Variants in GALNT13 observed in about 807,000 individuals in gnomAD.
GALNT13 encodes UDP-GalNAc:polypeptide N-acetylgalactosaminyltransferase 13.
In GALNT13, 28 loss-of-function variants were observed where a neutral mutation model predicts 64.2. The ratio of observed to expected loss-of-function variants is 0.44; its 90% CI spans 0.32 to 0.60. The LOEUF (loss-of-function observed/expected upper bound fraction) is 0.60. Ranked by LOEUF, GALNT13 falls within the 20% of genes least tolerant of loss-of-function variation. GALNT13 has a pLI of 0.05. For missense variants in GALNT13, 577 were observed against 669.8 expected, an observed-to-expected ratio of 0.86 and a Z score of 1.53; for synonymous variants, 214 against 224.6, an observed-to-expected ratio of 0.95 and a Z score of 0.42.
intron 3 of GALNT13, among the ~76,000 whole-genome samples, chr2:153,948,418 G>T (rs151256773): frequency 4.5e-3 from 690 of 152,184 alleles, no homozygotes; most frequent in Admixed American, 8.8e-3. Flanking sequence ...GTGTAAATTA[G>T]TTCAACTATT....
intron 8 of GALNT13, among the ~76,000 whole-genome samples, chr2:154,300,308 G>T (rs1022234433): frequency 6.6e-6 from 1 of 151,382 alleles, no homozygotes. Context: ...TTGCCATGTT[G>T]GTCAGGCTGG....
chr2:154,356,401 A>G (rs1390864054), intron 9 of GALNT13, among the ~76,000 whole-genome samples: 2 of 151,984 alleles, frequency 1.3e-5, no homozygotes, highest in East Asian at 1.9e-4. Context: ...ATCTAGACAC[A>G]TGGAAAAAAG....
At chr2:153,981,652 A>G (rs759823063) in intron 3 of GALNT13, among the ~76,000 whole-genome samples, 4 of 152,054 alleles carry the variant, frequency 2.6e-5, no homozygotes, top group Non-Finnish European at 5.9e-5. Context: ...AGTCTTTGCT[A>G]TTGTGAATAG....
chr2:154,019,123 C>T (rs185251918), intron 3 of GALNT13, among the ~76,000 whole-genome samples: 2 of 152,206 alleles, frequency 1.3e-5, no homozygotes, highest in East Asian at 3.9e-4. Flanking sequence ...ATCTTGACTT[C>T]ACTCTCTGCT....
the GALNT13 span, among the ~76,000 whole-genome samples, chr2:153,820,991 T>C: frequency 6.8e-6 from 1 of 146,656 alleles, no homozygotes; most frequent in African/African-American, 2.5e-5. Flanking sequence ...ATGACACCCA[T>C]AGGATCAAAG....
At chr2:153,325,187 C>G in the GALNT13 span, among the ~76,000 whole-genome samples, 1 of 109,248 alleles carries the variant, frequency 9.2e-6, no homozygotes, top group Non-Finnish European at 1.7e-5. Context: ...CTTGTTATTG[C>G]TCTATTAAGG....
intron 8 of GALNT13, among the ~76,000 whole-genome samples, chr2:154,298,391 TTATATAAATATATAATTTA>T (rs1009792027): frequency 8.2e-6 from 1 of 121,842 alleles, no homozygotes; most frequent in Non-Finnish European, 1.8e-5. Context: ...TAAATATAAT[TTATATAAATATATAATTTA>T]TATATAAATA....
At chr2:154,366,845 CAAAT>C (rs1447003905) in intron 9 of GALNT13, among the ~76,000 whole-genome samples, 2 of 152,078 alleles carry the variant, frequency 1.3e-5, no homozygotes, top group Non-Finnish European at 2.9e-5. Flanking sequence ...CAGGTGATCT[CAAAT>C]AAGTCAATTC....
At chr2:153,903,249 TA>T (rs947826164) in intron 2 of GALNT13, among the ~76,000 whole-genome samples, 6 of 151,222 alleles carry the variant, frequency 4.0e-5, no homozygotes, top group African/African-American at 9.7e-5. Flanking sequence ...GATAGAGTGG[TA>T]AAAAAAAAGA....
At chr2:153,424,955 A>G in the GALNT13 span, among the ~76,000 whole-genome samples, 1,758 of 151,992 alleles carry the variant, frequency 0.012, 29 homozygotes, top group African/African-American at 0.041. Flanking sequence ...ATGTCTACCT[A>G]CATCACCAGG....
chr2:153,971,729 G>A (rs1436036219), intron 3 of GALNT13, among the ~76,000 whole-genome samples: 1 of 152,002 alleles, frequency 6.6e-6, no homozygotes, highest in Non-Finnish European at 1.5e-5. Context: ...TGATAAAAAT[G>A]CATGCATTCT....
At chr2:154,085,393 G>T (rs1701473422) in intron 3 of GALNT13, among the ~76,000 whole-genome samples, 1 of 151,884 alleles carries the variant, frequency 6.6e-6, no homozygotes, top group South Asian at 2.1e-4. Context: ...TTCAGGTGCA[G>T]CTTACCTTCA....
chr2:153,391,526 T>C, the GALNT13 span, among the ~76,000 whole-genome samples: 1 of 152,128 alleles, frequency 6.6e-6, no homozygotes. Flanking sequence ...AATAGGTCTT[T>C]TGTTAAAAAA....
the GALNT13 span, among the ~76,000 whole-genome samples, chr2:153,475,134 A>G: frequency 2.0e-5 from 3 of 152,212 alleles, no homozygotes. Context: ...CTCTGTGGCC[A>G]TCGGGGAATA....
intron 2 of GALNT13, among the ~76,000 whole-genome samples, chr2:153,920,228 A>G (rs1372809522): frequency 1.3e-5 from 2 of 151,916 alleles, no homozygotes; most frequent in Non-Finnish European, 2.9e-5. Flanking sequence ...ATAACTTAGA[A>G]TATGCATTCA....
intron 7 of GALNT13, among the ~76,000 whole-genome samples, chr2:154,256,167 C>A (rs189554226): frequency 2.6e-5 from 4 of 152,084 alleles, no homozygotes; most frequent in Admixed American, 2.0e-4. Flanking sequence ...GTCCTATAAC[C>A]AGTTAACCAC....
At chr2:154,020,018 A>G (rs1255867709) in intron 3 of GALNT13, among the ~76,000 whole-genome samples, 1 of 152,162 alleles carries the variant, frequency 6.6e-6, no homozygotes, top group Non-Finnish European at 1.5e-5. Flanking sequence ...ATGTCTCTAC[A>G]AAGGACATGA....
the GALNT13 span, among the ~76,000 whole-genome samples, chr2:153,471,763 T>C: frequency 6.6e-6 from 1 of 152,178 alleles, no homozygotes; most frequent in Non-Finnish European, 1.5e-5. Context: ...TAGATTAAGA[T>C]TAAAGCATAT....
At chr2:153,724,328 G>T in the GALNT13 span, among the ~76,000 whole-genome samples, 4 of 131,712 alleles carry the variant, frequency 3.0e-5, no homozygotes, top group Admixed American at 2.2e-4. Context: ...AGACTTAAAC[G>T]TTAGACCTAA....
Sources: gnomAD v4.1 joint callset for allele counts (sites outside exome capture counted in the v4.1 genomes callset) on GRCh38, gnomAD v4.1.1 for gene constraint, MANE v1.5 for transcripts, NCBI Gene and HGNC (gene_info 2026-07-23, HGNC 2026-07-21) for gene names.